The following ANXA4 variants were observed in gnomAD, a reference collection of about 807,000 sequenced individuals.
ANXA4 encodes the protein annexin A4.
A neutral mutation model predicts 49.8 loss-of-function variants in ANXA4; 39 were observed. That is an observed-to-expected ratio of 0.78 (90% confidence interval 0.61 to 1.02). ANXA4 has a LOEUF of 1.02. Ranked by LOEUF, ANXA4 falls within the 50% of genes least tolerant of loss-of-function variation. The pLI is 0.00. For synonymous variants in ANXA4, 134 were observed against 152.5 expected (o/e 0.88, Z 0.89); for missense variants, 360 against 410.1 (o/e 0.88, Z 1.05).
In ANXA4 at chr2:69,682,916, TG is replaced by T. The variant is rs142157876; in HGVS notation, n.766+29635del. On this transcript the variant is annotated intron_variant and non_coding_transcript_variant, in intron 2 of 3. Coordinates refer to the ANXA4 transcript ENST00000418066. The stretch of plus-strand genomic sequence containing the variant: ...GTCAGATGATTTTTATGATCTTCTT[TG>T]TGCTTTTCTAATTTGTTTAATATTT... Among the ~76,000 whole-genome samples, 1,180 of 152,370 alleles carry T rather than the reference TG, an allele frequency of 7.7e-3. 21 individuals carry two copies. Among genetic ancestry groups the T allele is most frequent in the Admixed American group, 9.8e-3 (150 of 15,308 alleles).
intron 2 of ANXA4, among the ~76,000 whole-genome samples, chr2:69,695,242 A>G (rs72901413): frequency 1.7e-3 from 253 of 152,318 alleles, no homozygotes; most frequent in African/African-American, 6.0e-3. Context: ...TACTCACACC[A>G]TAAACAGCAT....
chr2:69,674,918 T>TG (rs1373190899), intron 2 of ANXA4, among the ~76,000 whole-genome samples: 7 of 151,224 alleles, frequency 4.6e-5, no homozygotes, highest in African/African-American at 1.5e-4. Flanking sequence ...ATAAACTGTT[T>TG]TTTTTTTTTT....
At chr2:69,788,500 A>G (rs2103705698) in intron 3 of ANXA4, among the ~76,000 whole-genome samples, 1 of 152,076 alleles carries the variant, frequency 6.6e-6, no homozygotes, top group South Asian at 2.1e-4. Flanking sequence ...AGATCTCGCC[A>G]TGGCACTCCA....
At chr2:69,696,810 T>C (rs533897489) in intron 2 of ANXA4, among the ~76,000 whole-genome samples, 2 of 152,342 alleles carry the variant, frequency 1.3e-5, no homozygotes, top group East Asian at 3.9e-4. Context: ...AGCAGTAATA[T>C]ATTAAAAAGG....
chr2:69,737,324 T>C (rs139173621), upstream of ANXA4, among the ~76,000 whole-genome samples: 38 of 152,332 alleles, frequency 2.5e-4, no homozygotes, highest in African/African-American at 7.7e-4. Context: ...CAGTGAGCAC[T>C]TTCAATGTGG....
At chr2:69,771,134 A>T (rs1253396649) in intron 1 of ANXA4, among the ~76,000 whole-genome samples, 2 of 151,856 alleles carry the variant, frequency 1.3e-5, no homozygotes, top group Non-Finnish European at 2.9e-5. Context: ...AAGAAAGGAA[A>T]AATATTATTT....
intron 2 of ANXA4, among the ~76,000 whole-genome samples, chr2:69,705,320 A>C (rs1467622315): frequency 6.6e-6 from 1 of 151,996 alleles, no homozygotes; most frequent in Non-Finnish European, 1.5e-5. Flanking sequence ...AAAAAAAGTT[A>C]CTAATGGTTA....
rs71397349 is a variant in ANXA4, at chr2:69,751,507, C to CAA, written c.-47+9352_-47+9353dup. ...TGGATGACAGAGTGAGACCCTGTCT[C>CAA]AAAAAAAAAAAAAAAAAAAAATACA... On this transcript the variant is annotated intron_variant, in intron 1 of 12. Transcript: ENST00000394295. Among the ~76,000 whole-genome samples, 546 of 96,724 alleles carry CAA rather than the reference C, an allele frequency of 5.6e-3. 7 individuals are homozygous for CAA. The highest frequency in any genetic ancestry group is 0.021 in the East Asian group (74 of 3,554). The allele number at this position is 96,724 out of a possible 152,430, so 63.5% of individuals were successfully genotyped here.
chr2:69,720,028 C>T (rs1669775422), intron 2 of ANXA4, among the ~76,000 whole-genome samples: 2 of 152,168 alleles, frequency 1.3e-5, no homozygotes, highest in Admixed American at 6.5e-5. Flanking sequence ...TGGGTGAATA[C>T]ATAGGTCATT....
rs377321563 is a variant in ANXA4 at position 69,804,137 on chromosome 2, CAAAAAAAAA to C, written c.98-382_98-374del. Among the ~76,000 whole-genome samples, 96 of 88,858 alleles carry C rather than the reference CAAAAAAAAA, an allele frequency of 1.1e-3. 1 individual carries two copies. The highest frequency in any genetic ancestry group is 6.2e-3 in the Middle Eastern group (1 of 162). 58.3% of individuals were successfully genotyped at this position (88,858 alleles called of 152,430 possible). On this transcript the variant is annotated intron_variant, in intron 3 of 12. Coordinates refer to ENST00000394295, the MANE Select transcript of ANXA4 (RefSeq NM_001153.5). ...TGGGTGACAGAGTGAGACTTTCTCT[CAAAAAAAAA>C]AAAAAAAAAAAAATATTCTAGAGGA...
At chr2:69,814,001 A>G (rs1395366061) in intron 8 of ANXA4, among the ~76,000 whole-genome samples, 1 of 149,306 alleles carries the variant, frequency 6.7e-6, no homozygotes, top group African/African-American at 2.5e-5. Flanking sequence ...CAAATGATCC[A>G]CCTGCCATGG....
intron 2 of ANXA4, among the ~76,000 whole-genome samples, chr2:69,659,495 G>A (rs1676631067): frequency 6.6e-6 from 1 of 152,212 alleles, no homozygotes. Context: ...AGGCTGGAGT[G>A]CAGTGGTGTG....
intron 2 of ANXA4, among the ~76,000 whole-genome samples, chr2:69,697,641 A>C (rs1458292022): frequency 6.6e-6 from 1 of 152,212 alleles, no homozygotes; most frequent in Non-Finnish European, 1.5e-5. Context: ...GGATTCAAAA[A>C]TGAGAGATGC....
chr2:69,700,934 G>A (rs1678311158), intron 2 of ANXA4, among the ~76,000 whole-genome samples: 1 of 152,098 alleles, frequency 6.6e-6, no homozygotes, highest in Admixed American at 6.6e-5. Context: ...GTGCAGTGGT[G>A]TGATCTCAGC....
chr2:69,678,562 T>C (rs1677489446), intron 2 of ANXA4, among the ~76,000 whole-genome samples: 2 of 151,768 alleles, frequency 1.3e-5, no homozygotes, highest in African/African-American at 4.8e-5. Flanking sequence ...CCGGGCTAAT[T>C]TTTTGTGTGT....
chr2:69,757,982 A>G (rs1671132260), intron 1 of ANXA4, among the ~76,000 whole-genome samples: 2 of 146,876 alleles, frequency 1.4e-5, no homozygotes, highest in South Asian at 2.1e-4. Context: ...AAAAAAAAGT[A>G]CTGTCCAATT....
intron 3 of ANXA4, among the ~76,000 whole-genome samples, chr2:69,727,503 G>C (rs748395497): frequency 3.3e-5 from 5 of 151,748 alleles, no homozygotes; most frequent in Admixed American, 1.3e-4. Flanking sequence ...GACTAATCAA[G>C]TTGAGCATTT....
At chr2:69,755,654 A>G (rs567308666) in intron 1 of ANXA4, among the ~76,000 whole-genome samples, 20 of 152,280 alleles carry the variant, frequency 1.3e-4, no homozygotes, top group Middle Eastern at 6.8e-3. Context: ...TTTGCTATAT[A>G]TATGTTACCA....
At chr2:69,765,164 G>A (rs1448827089) in intron 1 of ANXA4, among the ~76,000 whole-genome samples, 1 of 152,176 alleles carries the variant, frequency 6.6e-6, no homozygotes, top group Non-Finnish European at 1.5e-5. Flanking sequence ...TGGCTATTGT[G>A]AGTAATGCTG....
Sources: allele counts gnomAD v4.1 joint callset (sites outside exome capture counted in the v4.1 genomes callset), GRCh38; gene constraint gnomAD v4.1.1; transcripts MANE v1.5; gene names NCBI Gene and HGNC (gene_info 2026-07-23, HGNC 2026-07-21).